PARD3: variants seen among roughly 807,000 people sequenced by gnomAD.
The protein encoded by PARD3 is par-3 family cell polarity regulator, also known as partitioning defective 3 homolog.
In PARD3, 75 loss-of-function variants were observed where a neutral mutation model predicts 155.4. The observed-to-expected ratio is 0.48, with a 90% CI of 0.40 to 0.58. The LOEUF is 0.58. Ranked by LOEUF, PARD3 falls within the 20% of genes least tolerant of loss-of-function variation. The pLI, the probability that PARD3 is intolerant of heterozygous loss-of-function variation, is 0.00. For missense variants in PARD3, 1,642 were observed against 1,721.7 expected (o/e 0.95, Z 0.82); for synonymous variants, 576 against 610.5 (o/e 0.94, Z 0.83).
Position 34,809,346 on chromosome 10 carries a change from G to A in PARD3, c.120+5530C>T, listed in dbSNP as rs530141903. Among the ~76,000 whole-genome samples, 16 of 152,210 alleles carry A rather than the reference G, an allele frequency of 1.1e-4. No homozygotes were observed. In the South Asian group the frequency reaches 2.3e-3, roughly 22 times the overall value. On this transcript the variant is annotated intron_variant, in intron 1 of 24. Coordinates refer to ENST00000374788, the MANE Select transcript of PARD3 (RefSeq NM_001184785.2). The stretch of plus-strand genomic sequence containing the variant: ...AGCCACCGCTTCAAGCATTTCACCC[G>A]GAGGGAGGAAGGGCGCACGGATACA...
At chr10:34,754,502 T>C (rs1836465466) in intron 1 of PARD3, among the ~76,000 whole-genome samples, 1 of 152,228 alleles carries the variant, frequency 6.6e-6, no homozygotes, top group Non-Finnish European at 1.5e-5. Flanking sequence ...TTACCTATCG[T>C]GTACACACCC....
chr10:34,621,215 T>G (rs1452635985), intron 2 of PARD3, among the ~76,000 whole-genome samples: 1 of 152,132 alleles, frequency 6.6e-6, no homozygotes, highest in Non-Finnish European at 1.5e-5. Flanking sequence ...GGGTTTTTTT[T>G]GTTGTTGTTT....
At chr10:34,227,741 A>G (rs1256897966) in intron 22 of PARD3, among the ~76,000 whole-genome samples, 3 of 151,120 alleles carry the variant, frequency 2.0e-5, no homozygotes, top group African/African-American at 7.3e-5. Flanking sequence ...AAATTATTTC[A>G]GCCACTGGTG....
intron 19 of PARD3, among the ~76,000 whole-genome samples, chr10:34,320,833 G>C (rs1958326881): frequency 6.6e-6 from 1 of 152,118 alleles, no homozygotes; most frequent in Non-Finnish European, 1.5e-5. Flanking sequence ...TGCTTGTTCT[G>C]AACATTCTAA....
At chr10:34,224,350 T>C (rs1043440239) in intron 22 of PARD3, among the ~76,000 whole-genome samples, 1 of 152,214 alleles carries the variant, frequency 6.6e-6, no homozygotes, top group Non-Finnish European at 1.5e-5. Context: ...GAGCAATATT[T>C]CTTCTTCTTT....
intron 4 of PARD3, among the ~76,000 whole-genome samples, chr10:34,464,274 G>GA (rs751687927): frequency 4.3e-4 from 66 of 152,190 alleles, no homozygotes; most frequent in South Asian, 1.2e-3. Flanking sequence ...CACCCATGTA[G>GA]AACCTTTAAG....
At chr10:34,138,179 T>C (rs1378883865) in intron 22 of PARD3, among the ~76,000 whole-genome samples, 1 of 152,206 alleles carries the variant, frequency 6.6e-6, no homozygotes, top group Non-Finnish European at 1.5e-5. Flanking sequence ...ATAGAATTAG[T>C]CACTGCAAAG....
At position 34,139,615 on chromosome 10, in the gene PARD3, C is replaced by G. The variant is rs142892905; in HGVS notation, c.3420-8032G>C. On this transcript the variant is annotated intron_variant, in intron 22 of 24. Transcript: ENST00000374788. ...CAGGACTGGAGTAGGCAAAAAGTGA[C>G]TCCGGGAGAAACAGATGTAGGGCAG... Among the ~76,000 whole-genome samples, 857 of 152,232 alleles carry G rather than the reference C, an allele frequency of 5.6e-3. 4 individuals carry two copies. The highest frequency in any genetic ancestry group is 0.019 in the African/African-American group (774 of 41,532).
chr10:34,303,987 G>A (rs1957279057), intron 20 of PARD3, among the ~76,000 whole-genome samples: 2 of 152,152 alleles, frequency 1.3e-5, no homozygotes, highest in Admixed American at 1.3e-4. Flanking sequence ...GGGAAAATGA[G>A]GGTGGGAACA....
chr10:34,255,064 C>T (rs533060255), intron 22 of PARD3, among the ~76,000 whole-genome samples: 2 of 152,250 alleles, frequency 1.3e-5, no homozygotes, highest in Admixed American at 6.5e-5. Flanking sequence ...ATGCTAATAG[C>T]TTGCAAAACC....
chr10:34,177,813 C>G (rs1950102663), intron 22 of PARD3, among the ~76,000 whole-genome samples: 1 of 152,172 alleles, frequency 6.6e-6, no homozygotes, highest in African/African-American at 2.4e-5. Flanking sequence ...AGAGAGACAC[C>G]AGAAAGTGGG....
At chr10:34,711,500 A>C (rs1462218416) in intron 1 of PARD3, among the ~76,000 whole-genome samples, 1 of 152,196 alleles carries the variant, frequency 6.6e-6, no homozygotes, top group Non-Finnish European at 1.5e-5. Flanking sequence ...CAGCCTGGGC[A>C]CAGGGCGAGA....
chr10:34,112,761 G>C (rs1946453534), intron 24 of PARD3, among the ~76,000 whole-genome samples: 1 of 152,188 alleles, frequency 6.6e-6, no homozygotes, highest in Non-Finnish European at 1.5e-5. Flanking sequence ...ATATGGTTTG[G>C]AGTGAAATGC....
At chr10:34,751,014 C>T (rs1835963737) in intron 1 of PARD3, among the ~76,000 whole-genome samples, 2 of 152,134 alleles carry the variant, frequency 1.3e-5, no homozygotes, top group Non-Finnish European at 2.9e-5. Context: ...TTTATTTACA[C>T]TCTCTTACAC....
At chr10:34,399,748 A>C (rs7921237) in intron 6 of PARD3, among the ~76,000 whole-genome samples, 1 of 152,106 alleles carries the variant, frequency 6.6e-6, no homozygotes, top group Non-Finnish European at 1.5e-5. Flanking sequence ...TCTTTCAAGT[A>C]AAATCTTTAG....
intron 20 of PARD3, among the ~76,000 whole-genome samples, chr10:34,285,712 T>C (rs1346032196): frequency 6.6e-6 from 1 of 152,184 alleles, no homozygotes; most frequent in African/African-American, 2.4e-5. Context: ...TTTCCAATAC[T>C]TGTCTACATA....
At chr10:34,305,180 A>G (rs1226070275) in intron 20 of PARD3, among the ~76,000 whole-genome samples, 1 of 152,230 alleles carries the variant, frequency 6.6e-6, no homozygotes, top group Non-Finnish European at 1.5e-5. Context: ...GCACAATATA[A>G]ATATTATAAA....
intron 1 of PARD3, among the ~76,000 whole-genome samples, chr10:34,761,974 C>T (rs748571030): frequency 5.9e-5 from 9 of 152,160 alleles, no homozygotes; most frequent in Non-Finnish European, 1.0e-4. Context: ...TACAGGTATA[C>T]GTGATTTGAA....
intron 7 of PARD3, among the ~76,000 whole-genome samples, chr10:34,394,904 C>T (rs1323023533): frequency 6.6e-6 from 1 of 151,348 alleles, no homozygotes; most frequent in Non-Finnish European, 1.5e-5. Flanking sequence ...TAGACCAATA[C>T]CTACAACCAG....
Sources: gnomAD v4.1 joint callset for allele counts (sites outside exome capture counted in the v4.1 genomes callset) on GRCh38, gnomAD v4.1.1 for gene constraint, MANE v1.5 for transcripts, NCBI Gene and HGNC (gene_info 2026-07-23, HGNC 2026-07-21) for gene names.